SPAG16: variants seen among roughly 807,000 people sequenced by gnomAD.
SPAG16 encodes sperm-associated antigen 16 protein.
A neutral mutation model predicts 80.4 loss-of-function variants in SPAG16; 86 were observed. That is an observed-to-expected ratio of 1.07 (90% CI 0.90 to 1.28). The LOEUF is 1.28. SPAG16 is among the 50% of genes most tolerant of loss of function. The pLI is 0.00. For missense variants in SPAG16, 870 were observed against 765.3 expected (o/e 1.14, Z -1.61); for synonymous variants, 294 against 265.9 (o/e 1.11, Z -1.03).
chr2:214,395,397 G>C (rs897701186), intron 15 of SPAG16, among the ~76,000 whole-genome samples: 3 of 152,158 alleles, frequency 2.0e-5, no homozygotes, highest in Non-Finnish European at 2.9e-5. Context: ...GGTGTATGTG[G>C]TACCTTACTG....
chr2:213,285,962 C>A, intron 1 of SPAG16: 1 of 1,231,420 alleles, frequency 8.1e-7, no homozygotes, highest in South Asian at 1.3e-5. Context: ...AAATTATTTC[C>A]GTGAACACAT....
intron 13 of SPAG16, among the ~76,000 whole-genome samples, chr2:214,074,178 A>G (rs1200816313): frequency 6.6e-6 from 1 of 152,140 alleles, no homozygotes; most frequent in Non-Finnish European, 1.5e-5. Flanking sequence ...ACCAGAACCC[A>G]ACCATGCTAG....
At chr2:214,213,163 G>GATT (rs988281572) in intron 15 of SPAG16, among the ~76,000 whole-genome samples, 31 of 152,094 alleles carry the variant, frequency 2.0e-4, no homozygotes, top group Non-Finnish European at 1.2e-4. Context: ...TTTTAAAATT[G>GATT]ATTTTCCCAG....
At chr2:214,037,641 A>G (rs927984476) in intron 13 of SPAG16, among the ~76,000 whole-genome samples, 9 of 151,932 alleles carry the variant, frequency 5.9e-5, no homozygotes, top group African/African-American at 2.2e-4. Flanking sequence ...GTATGTTTCT[A>G]TCTGTGTCTT....
intron 12 of SPAG16, among the ~76,000 whole-genome samples, chr2:213,987,234 G>T (rs1221733261): frequency 2.6e-5 from 4 of 151,894 alleles, no homozygotes; most frequent in African/African-American, 4.8e-5. Context: ...CCTGTCCTTG[G>T]TCTAACTCGG....
chr2:214,126,029 TCCTTCCTTCCTTCCTTCCTTCCTTCCTTC>T (rs2054468038), intron 14 of SPAG16, among the ~76,000 whole-genome samples: 3 of 47,402 alleles, frequency 6.3e-5, no homozygotes, highest in Non-Finnish European at 9.6e-5. Context: ...CTTCCTTCCT[TCCTTCCTTCCTTCCTTCCTTCCTTCCTTC>T]CTTTTTTTTT....
chr2:213,963,948 T>C (rs1178503049), intron 12 of SPAG16, among the ~76,000 whole-genome samples: 1 of 152,152 alleles, frequency 6.6e-6, no homozygotes, highest in Non-Finnish European at 1.5e-5. Context: ...AGACAACATA[T>C]AGTTGGATCT....
intron 9 of SPAG16, among the ~76,000 whole-genome samples, chr2:213,386,385 C>G (rs2067430976): frequency 1.3e-5 from 2 of 152,150 alleles, no homozygotes; most frequent in Non-Finnish European, 2.9e-5. Context: ...GAAACTATCC[C>G]TAACCTCCTA....
chr2:213,672,470 C>T (rs1477825633), intron 10 of SPAG16, among the ~76,000 whole-genome samples: 4 of 151,892 alleles, frequency 2.6e-5, no homozygotes, highest in African/African-American at 9.7e-5. Flanking sequence ...AAGGAAGAAC[C>T]TCTGGAACTA....
chr2:213,848,944 C>CAT (rs879328322), intron 10 of SPAG16, among the ~76,000 whole-genome samples: 19 of 152,070 alleles, frequency 1.2e-4, no homozygotes, highest in South Asian at 2.1e-4. Flanking sequence ...CTCAGATTGA[C>CAT]ATATATATAT....
chr2:214,261,749 T>G (rs1691196793), intron 15 of SPAG16, among the ~76,000 whole-genome samples: 1 of 152,202 alleles, frequency 6.6e-6, no homozygotes, highest in Non-Finnish European at 1.5e-5. Flanking sequence ...AGTGTAAATA[T>G]ATGTATATAC....
At chr2:214,382,317 TTAACA>T (rs756950020) in intron 15 of SPAG16, among the ~76,000 whole-genome samples, 1 of 152,230 alleles carries the variant, frequency 6.6e-6, no homozygotes, top group Non-Finnish European at 1.5e-5. Flanking sequence ...TGGCTTTTTG[TTAACA>T]TAACTTCACT....
At position 213,906,000 on chromosome 2, in the gene SPAG16, A is replaced by G. The variant is rs143109028; in HGVS notation, c.1215-23960A>G. On this transcript the variant is annotated intron_variant, in intron 11 of 15. Coordinates refer to ENST00000331683, the MANE Select transcript of SPAG16 (RefSeq NM_024532.5). ...GTAATCAACTTTGAGATGAATAAAT[A>G]AATTTCCTGTCTTGAAATATCTTAG... Among the ~76,000 whole-genome samples the G allele has an allele frequency of 1.2e-4, 18 of 152,318 alleles. No individual in the cohort carries two copies. The East Asian group carries it at 3.5e-3, about 29-fold the overall frequency.
chr2:213,889,126 G>T lies in SPAG16; in HGVS notation c.1214+26498G>T, dbSNP rs568460777. Among the ~76,000 whole-genome samples the T allele has an allele frequency of 6.0e-4, 91 of 151,938 alleles. No individual in the cohort carries two copies. In the South Asian group the frequency reaches 0.018, roughly 29 times the overall value. ...TTTCCAAATCTTAAACAACTTTGCT[G>T]TTTGAGTACAATATCAGTAAATGGC... On this transcript the variant is annotated intron_variant, in intron 11 of 15. Transcript: ENST00000331683.
intron 15 of SPAG16, among the ~76,000 whole-genome samples, chr2:214,186,931 T>C (rs1222297843): frequency 6.6e-6 from 1 of 152,130 alleles, no homozygotes; most frequent in Non-Finnish European, 1.5e-5. Context: ...GGCTAATTTC[T>C]GTATTTTGTT....
At chr2:213,789,527 A>G (rs1047347833) in intron 10 of SPAG16, among the ~76,000 whole-genome samples, 4 of 151,932 alleles carry the variant, frequency 2.6e-5, no homozygotes, top group Non-Finnish European at 4.4e-5. Flanking sequence ...TGTTGGAGAC[A>G]TTGTTTGAAG....
chr2:213,604,353 A>G (rs1381959473), intron 10 of SPAG16, among the ~76,000 whole-genome samples: 1 of 151,854 alleles, frequency 6.6e-6, no homozygotes, highest in African/African-American at 2.4e-5. Flanking sequence ...TCATTTCATT[A>G]TTACTGATTT....
chr2:214,281,159 C>G, intron 15 of SPAG16: 1 of 351,534 alleles, frequency 2.8e-6, no homozygotes, highest in East Asian at 6.7e-5. Flanking sequence ...AGCAGCAGGC[C>G]AGTACAATAC....
At chr2:214,173,738 A>G (rs2056967750) in intron 15 of SPAG16, among the ~76,000 whole-genome samples, 1 of 151,938 alleles carries the variant, frequency 6.6e-6, no homozygotes, top group Admixed American at 6.6e-5. Context: ...GGCCAGCATC[A>G]TCCTGATACC....
Sources: allele counts gnomAD v4.1 joint callset (sites outside exome capture counted in the v4.1 genomes callset), GRCh38; gene constraint gnomAD v4.1.1; transcripts MANE v1.5; gene names NCBI Gene and HGNC (gene_info 2026-07-23, HGNC 2026-07-21).